The following RABGAP1L variants were observed in gnomAD, a reference collection of about 807,000 sequenced individuals.
RABGAP1L encodes the protein rab GTPase-activating protein 1-like.
A neutral mutation model predicts 137.7 loss-of-function variants in RABGAP1L; 63 were observed. The ratio of observed to expected loss-of-function variants is 0.46; its 90% CI spans 0.37 to 0.56. RABGAP1L has a LOEUF of 0.56. Ranked by LOEUF, RABGAP1L falls within the 20% of genes least tolerant of loss-of-function variation. The probability of loss-of-function intolerance (pLI) is 0.00; values close to 1 mark genes in which losing one functional copy is unlikely to be tolerated. For synonymous variants in RABGAP1L, 431 were observed against 433.7 expected (o/e 0.99, Z 0.08); for missense variants, 1,095 against 1,244.0 (o/e 0.88, Z 1.80).
intron 3 of RABGAP1L, among the ~76,000 whole-genome samples, chr1:174,225,338 G>T: frequency 6.6e-6 from 1 of 151,696 alleles, no homozygotes. Context: ...ATTATTTATG[G>T]AGCAACTGGG....
chr1:174,449,324 T>A, intron 13 of RABGAP1L: 1 of 782,910 alleles, frequency 1.3e-6, no homozygotes, highest in Non-Finnish European at 2.0e-6. Context: ...AGTATGAGAC[T>A]AAAGGTTTCT....
chr1:174,597,295 T>C (rs1045679930), intron 13 of RABGAP1L, among the ~76,000 whole-genome samples: 5 of 152,126 alleles, frequency 3.3e-5, no homozygotes, highest in African/African-American at 7.2e-5. Context: ...AGGATTGATA[T>C]TAGTTCTTCA....
chr1:174,307,355 T>C (rs550936392), intron 11 of RABGAP1L, among the ~76,000 whole-genome samples: 1 of 152,318 alleles, frequency 6.6e-6, no homozygotes, highest in South Asian at 2.1e-4. Context: ...CTCAGTGGCA[T>C]TTTAGTACAT....
intron 19 of RABGAP1L, among the ~76,000 whole-genome samples, chr1:174,878,789 T>A (rs1030900174): frequency 6.6e-6 from 1 of 152,012 alleles, no homozygotes; most frequent in Non-Finnish European, 1.5e-5. Flanking sequence ...CCAGATGCAA[T>A]AAATCAACGT....
chr1:174,165,047 G>A (rs1360682026), intron 1 of RABGAP1L, among the ~76,000 whole-genome samples: 1 of 152,090 alleles, frequency 6.6e-6, no homozygotes, highest in African/African-American at 2.4e-5. Flanking sequence ...CTTAGGTGGG[G>A]GATTAAATAT....
chr1:174,649,850 G>C (rs1675311811), intron 14 of RABGAP1L, among the ~76,000 whole-genome samples: 2 of 151,996 alleles, frequency 1.3e-5, no homozygotes, highest in South Asian at 4.1e-4. Context: ...GATTGCCCTG[G>C]CCAGAACTTC....
intron 13 of RABGAP1L, among the ~76,000 whole-genome samples, chr1:174,524,349 C>G (rs1351701735): frequency 6.6e-6 from 1 of 151,892 alleles, no homozygotes; most frequent in African/African-American, 2.4e-5. Context: ...GCCATTCTAC[C>G]TGGGGTAAGA....
rs1406623547 is a variant in RABGAP1L, at chr1:174,278,585, C to T, written c.1157-28C>T. ...AGTAGACAAGGAATAATAAAGCTCG[C>T]ATAAAACCCAGAAAATTTCTACTAC... On this transcript the variant is annotated intron_variant, in intron 9 of 25. Coordinates refer to ENST00000681986, the MANE Select transcript of RABGAP1L (RefSeq NM_001366446.1). 42 of 1,578,700 alleles carry T rather than the reference C, an allele frequency of 2.7e-5. 1 individual carries two copies. The highest frequency in any genetic ancestry group is 3.6e-5 in the Non-Finnish European group (42 of 1,160,944).
intron 19 of RABGAP1L, among the ~76,000 whole-genome samples, chr1:174,904,009 T>G (rs1658597922): frequency 6.7e-6 from 1 of 149,466 alleles, no homozygotes; most frequent in East Asian, 2.0e-4. Context: ...AATGGTGACA[T>G]GGAAGCAAGC....
At chr1:174,550,323 C>T (rs896665994) in intron 13 of RABGAP1L, among the ~76,000 whole-genome samples, 3 of 152,094 alleles carry the variant, frequency 2.0e-5, no homozygotes, top group Admixed American at 6.5e-5. Flanking sequence ...AAGTAATCAC[C>T]AGTAATTAGA....
intron 7 of RABGAP1L, among the ~76,000 whole-genome samples, chr1:174,269,530 G>A (rs1023499933): frequency 6.6e-6 from 1 of 152,188 alleles, no homozygotes; most frequent in African/African-American, 2.4e-5. Context: ...ATCGTTTGTT[G>A]TATGAAGGTT....
rs12022834 is a variant in RABGAP1L, at chr1:174,380,795, C to G, written c.1559+9723C>G. Among the ~76,000 whole-genome samples the G allele has an allele frequency of 2.4e-3, 254 of 106,116 alleles. 8 individuals carry two copies. In the East Asian group the frequency reaches 0.058, roughly 24 times the overall value. 69.6% of individuals were successfully genotyped at this position (106,116 alleles called of 152,430 possible). On this transcript the variant is annotated intron_variant, in intron 12 of 25. Transcript: ENST00000681986. ...TTTTGTGTCTCTATTTCCTTCAGTT[C>G]TGCTCTGATTTTAGTTATTTCTTGC...
chr1:174,536,671 A>G (rs1664918203), intron 13 of RABGAP1L, among the ~76,000 whole-genome samples: 1 of 152,246 alleles, frequency 6.6e-6, no homozygotes, highest in South Asian at 2.1e-4. Context: ...CATCTTTGGA[A>G]AATATCTTTT....
rs369308466 is a variant in RABGAP1L, at chr1:174,878,819, A to G, written c.2340+66859A>G. ...CAACGTTGTTTAAATGCTAATTTGA[A>G]CAAAGTATAAAAAGAACTGTAAGAT... On this transcript the variant is annotated intron_variant, in intron 19 of 25. Coordinates refer to ENST00000681986, the MANE Select transcript of RABGAP1L (RefSeq NM_001366446.1). Among the ~76,000 whole-genome samples the G allele has an allele frequency of 5.3e-5, 8 of 152,232 alleles. No individual in the cohort carries two copies. The South Asian group carries it at 1.7e-3, about 32-fold the overall frequency.
At chr1:174,171,696 T>TA (rs57052121) in intron 1 of RABGAP1L, among the ~76,000 whole-genome samples, 41,410 of 134,192 alleles carry the variant, frequency 0.31, 6,565 homozygotes, top group African/African-American at 0.4. Context: ...TATTCAGCTT[T>TA]AAAAAAAAAA....
chr1:174,621,537 A>G (rs1269208132), intron 13 of RABGAP1L, among the ~76,000 whole-genome samples: 1 of 152,236 alleles, frequency 6.6e-6, no homozygotes, highest in African/African-American at 2.4e-5. Context: ...CAGAGCCCTC[A>G]GAAGTAACAC....
At chr1:174,445,583 G>A (rs1001493188) in intron 13 of RABGAP1L, among the ~76,000 whole-genome samples, 1 of 152,104 alleles carries the variant, frequency 6.6e-6, no homozygotes, top group African/African-American at 2.4e-5. Flanking sequence ...GATGGGGATT[G>A]GAGAGATTAG....
At chr1:174,877,620 G>T in intron 19 of RABGAP1L, 1 of 1,607,162 alleles carries the variant, frequency 6.2e-7, no homozygotes, top group Non-Finnish European at 8.5e-7. Context: ...GTGGTGCCTT[G>T]CACACTACTC....
intron 19 of RABGAP1L, among the ~76,000 whole-genome samples, chr1:174,841,371 T>G (rs1054835808): frequency 6.6e-6 from 1 of 151,984 alleles, no homozygotes; most frequent in Admixed American, 6.6e-5. Context: ...AATTCTTAGA[T>G]CAGAAGAAAC....
Sources: gnomAD v4.1 joint callset for allele counts (sites outside exome capture counted in the v4.1 genomes callset) on GRCh38, gnomAD v4.1.1 for gene constraint, MANE v1.5 for transcripts, NCBI Gene and HGNC (gene_info 2026-07-23, HGNC 2026-07-21) for gene names.